Variants in KAZN observed in about 807,000 individuals in gnomAD.
KAZN encodes the protein kazrin, periplakin interacting protein, also known as kazrin.
A neutral mutation model predicts 87.4 loss-of-function variants in KAZN; 40 were observed. The observed-to-expected ratio is 0.46, with a 90% CI of 0.36 to 0.60. KAZN has a LOEUF of 0.60. Ranked by LOEUF, KAZN falls within the 20% of genes least tolerant of loss-of-function variation. The probability of loss-of-function intolerance (pLI) is 0.00; values close to 1 mark genes in which losing one functional copy is unlikely to be tolerated. For synonymous variants in KAZN, 466 were observed against 458.3 expected, an observed-to-expected ratio of 1.02 and a Z score of -0.22; for missense variants, 898 against 1,073.9, an observed-to-expected ratio of 0.84 and a Z score of 2.29.
intron 2 of KAZN, among the ~76,000 whole-genome samples, chr1:14,385,401 T>G (rs188555706): frequency 6.6e-6 from 1 of 152,226 alleles, no homozygotes; most frequent in Non-Finnish European, 1.5e-5. Context: ...TTAATTGTGA[T>G]GGTAGGGTGT....
chr1:14,779,559 A>G, intron 1 of KAZN, among the ~76,000 whole-genome samples: 1 of 152,326 alleles, frequency 6.6e-6, no homozygotes, highest in Middle Eastern at 3.4e-3. Context: ...ACCTCGCAGA[A>G]ATACTAAACA....
intron 1 of KAZN, among the ~76,000 whole-genome samples, chr1:14,068,653 C>T (rs188830773): frequency 1.3e-5 from 2 of 152,264 alleles, no homozygotes; most frequent in Non-Finnish European, 2.9e-5. Flanking sequence ...GAAATTTGGG[C>T]CCTTCAGGGG....
At chr1:14,501,251 C>T (rs1670235741) in intron 2 of KAZN, among the ~76,000 whole-genome samples, 1 of 152,028 alleles carries the variant, frequency 6.6e-6, no homozygotes, top group African/African-American at 2.4e-5. Context: ...TAACATTGTA[C>T]TGGAGGTTCT....
chr1:14,892,830 A>T (rs1472138366), intron 1 of KAZN, among the ~76,000 whole-genome samples: 1 of 152,134 alleles, frequency 6.6e-6, no homozygotes, highest in Non-Finnish European at 1.5e-5. Flanking sequence ...TGTATCTCCA[A>T]TACCTACACA....
At chr1:14,714,620 C>G (rs572278123) in intron 1 of KAZN, among the ~76,000 whole-genome samples, 1 of 152,200 alleles carries the variant, frequency 6.6e-6, no homozygotes, top group South Asian at 2.1e-4. Flanking sequence ...CTCCTGAAGG[C>G]TGTCATGGTC....
At chr1:14,125,320 A>G (rs929563425) in intron 1 of KAZN, among the ~76,000 whole-genome samples, 12 of 152,138 alleles carry the variant, frequency 7.9e-5, no homozygotes, top group East Asian at 1.9e-4. Context: ...TTGGGGGTCA[A>G]TGGTGGCCCC....
intron 2 of KAZN, among the ~76,000 whole-genome samples, chr1:14,527,449 TGA>T (rs1339823938): frequency 6.6e-6 from 1 of 150,954 alleles, no homozygotes; most frequent in East Asian, 2.0e-4. Flanking sequence ...CTTGGGAGTC[TGA>T]GGCAGGAGAA....
At chr1:14,892,831 T>C (rs1022841912) in intron 1 of KAZN, among the ~76,000 whole-genome samples, 10 of 151,692 alleles carry the variant, frequency 6.6e-5, no homozygotes, top group African/African-American at 1.9e-4. Context: ...GTATCTCCAA[T>C]ACCTACACAC....
At chr1:14,621,900 C>T (rs866261262) in intron 1 of KAZN, among the ~76,000 whole-genome samples, 1 of 152,178 alleles carries the variant, frequency 6.6e-6, no homozygotes, top group Non-Finnish European at 1.5e-5. Flanking sequence ...TTATTAGCAA[C>T]GTGAGAACAG....
intron 1 of KAZN, among the ~76,000 whole-genome samples, chr1:14,073,404 A>C (rs1211237234): frequency 6.6e-6 from 1 of 152,062 alleles, no homozygotes; most frequent in Non-Finnish European, 1.5e-5. Context: ...TCTTTAAAAC[A>C]ATTTTTTTTA....
chr1:14,354,326 C>T (rs1440010819), intron 2 of KAZN, among the ~76,000 whole-genome samples: 1 of 152,048 alleles, frequency 6.6e-6, no homozygotes, highest in South Asian at 2.1e-4. Context: ...ACAAATTGAA[C>T]TTAAAACATT....
intron 2 of KAZN, among the ~76,000 whole-genome samples, chr1:14,288,619 CA>C (rs1019694948): frequency 2.0e-5 from 3 of 152,010 alleles, no homozygotes; most frequent in African/African-American, 7.2e-5. Flanking sequence ...TTCATCTTTT[CA>C]AAAAACCAGC....
At chr1:14,752,370 G>A (rs1338834156) in intron 1 of KAZN, among the ~76,000 whole-genome samples, 2 of 152,004 alleles carry the variant, frequency 1.3e-5, no homozygotes, top group Non-Finnish European at 2.9e-5. Context: ...GCCCCAAGAG[G>A]GAACTGACTT....
At chr1:14,252,481 G>A (rs1482818212) in intron 2 of KAZN, among the ~76,000 whole-genome samples, 2 of 152,088 alleles carry the variant, frequency 1.3e-5, no homozygotes, top group East Asian at 3.9e-4. Context: ...TCTTGCCAGG[G>A]CCTTTCCTAC....
At chr1:14,384,386 C>T (rs1394480252) in intron 2 of KAZN, among the ~76,000 whole-genome samples, 5 of 152,128 alleles carry the variant, frequency 3.3e-5, no homozygotes, top group Admixed American at 6.5e-5. Flanking sequence ...GCATTCCTGT[C>T]TTGTGCCAGT....
At chr1:14,789,002 CAAGT>C (rs1419154884) in intron 1 of KAZN, among the ~76,000 whole-genome samples, 4 of 152,198 alleles carry the variant, frequency 2.6e-5, no homozygotes, top group African/African-American at 9.7e-5. Context: ...TTCATGAGAA[CAAGT>C]GAGTAGATAA....
intron 2 of KAZN, among the ~76,000 whole-genome samples, chr1:14,536,105 G>C (rs763191157): frequency 3.5e-4 from 53 of 152,326 alleles, no homozygotes; most frequent in African/African-American, 1.3e-3. Flanking sequence ...TAACATGCAG[G>C]CTAGAGCATG....
intron 13 of KAZN, among the ~76,000 whole-genome samples, chr1:15,107,762 C>T (rs1334878076): frequency 2.0e-5 from 3 of 152,216 alleles, no homozygotes; most frequent in Non-Finnish European, 2.9e-5. Flanking sequence ...AATGTGGTTT[C>T]GAGCCCCAGC....
chr1:14,098,499 A>G (rs1481659898), intron 1 of KAZN, among the ~76,000 whole-genome samples: 4 of 152,188 alleles, frequency 2.6e-5, no homozygotes, highest in Admixed American at 2.6e-4. Context: ...CATTATGTAA[A>G]TGACTGCATG....
Sources: allele counts gnomAD v4.1 joint callset (sites outside exome capture counted in the v4.1 genomes callset), GRCh38; gene constraint gnomAD v4.1.1; transcripts MANE v1.5; gene names NCBI Gene and HGNC (gene_info 2026-07-23, HGNC 2026-07-21).